The following PCDH15 variants were observed in gnomAD, a reference collection of about 807,000 sequenced individuals.
The protein encoded by PCDH15 is protocadherin related 15, also known as protocadherin-15.
PCDH15 carries 129 observed loss-of-function variants against 178.5 expected under a neutral mutation model. The ratio of observed to expected loss-of-function variants is 0.72; its 90% CI spans 0.63 to 0.84. The LOEUF (loss-of-function observed/expected upper bound fraction) is 0.84. Ranked by LOEUF, PCDH15 falls within the 40% of genes least tolerant of loss-of-function variation. The pLI is 0.00. For missense variants in PCDH15, 2,230 were observed against 2,099.9 expected, an observed-to-expected ratio of 1.06 and a Z score of -1.21; for synonymous variants, 800 against 732.0, an observed-to-expected ratio of 1.09 and a Z score of -1.50.
At chr10:54,018,587 C>T (rs1229537218) in intron 20 of PCDH15, among the ~76,000 whole-genome samples, 1 of 152,040 alleles carries the variant, frequency 6.6e-6, no homozygotes, top group Non-Finnish European at 1.5e-5. Flanking sequence ...TGCATGATCT[C>T]CAGGATTAGA....
intron 10 of PCDH15, among the ~76,000 whole-genome samples, chr10:54,202,504 A>G (rs2050337047): frequency 2.6e-5 from 4 of 152,084 alleles, no homozygotes; most frequent in African/African-American, 9.7e-5. Flanking sequence ...AATAGAATGG[A>G]AGGCCTAATA....
At chr10:54,308,546 A>C (rs550452999) in intron 8 of PCDH15, among the ~76,000 whole-genome samples, 5 of 152,214 alleles carry the variant, frequency 3.3e-5, no homozygotes, top group South Asian at 2.1e-4. Context: ...GGTATATTAC[A>C]GTTGAATATA....
intron 2 of PCDH15, among the ~76,000 whole-genome samples, chr10:54,547,663 T>A (rs1482501177): frequency 6.6e-6 from 1 of 152,176 alleles, no homozygotes; most frequent in African/African-American, 2.4e-5. Flanking sequence ...TGGATCACAC[T>A]ATTTACCTGT....
rs143052651 is a variant in PCDH15, at chr10:54,009,840, C to T, written c.2751+10352G>A. On this transcript the variant is annotated intron_variant, in intron 20 of 37. Coordinates refer to ENST00000644397, the MANE Select transcript of PCDH15 (RefSeq NM_001384140.1). ...CCCCACCGGTGCCTCCAGGCTGACACGGAGAACCATGTGGAGTCTTGGCAG... is the reference window on the plus strand; with the variant it reads ...CCCCACCGGTGCCTCCAGGCTGACATGGAGAACCATGTGGAGTCTTGGCAG... Among the ~76,000 whole-genome samples, 4 of 152,290 alleles carry T rather than the reference C, an allele frequency of 2.6e-5. No homozygotes were observed. The East Asian group carries it at 5.8e-4, about 22-fold the overall frequency.
At chr10:54,778,581 T>C (rs1949952757) in intron 1 of PCDH15, among the ~76,000 whole-genome samples, 1 of 152,170 alleles carries the variant, frequency 6.6e-6, no homozygotes, top group Non-Finnish European at 1.5e-5. Flanking sequence ...GTGTTTTTAC[T>C]ATAATTTGGG....
chr10:54,719,154 G>T (rs368991979), intron 1 of PCDH15, among the ~76,000 whole-genome samples: 10 of 150,042 alleles, frequency 6.7e-5, no homozygotes, highest in African/African-American at 2.0e-4. Context: ...TTAAAAAAGG[G>T]TAGATATCAT....
At chr10:54,959,205 C>T (rs1403246250) in intron 2 of PCDH15, among the ~76,000 whole-genome samples, 1 of 151,648 alleles carries the variant, frequency 6.6e-6, no homozygotes, top group Non-Finnish European at 1.5e-5. Flanking sequence ...ACAAGATTTG[C>T]TGCCATTAGA....
intron 2 of PCDH15, among the ~76,000 whole-genome samples, chr10:55,505,944 A>G (rs79135184): frequency 0.046 from 6,975 of 151,448 alleles, 419 homozygotes; most frequent in East Asian, 0.29. Context: ...CAAGAAGAAA[A>G]GAGGCATTAA....
intron 2 of PCDH15, among the ~76,000 whole-genome samples, chr10:54,923,046 T>A (rs1476995575): frequency 1.1e-5 from 1 of 88,044 alleles, no homozygotes; most frequent in Non-Finnish European, 3.3e-5. Context: ...TTTCCATACA[T>A]CCTCTGAAAT....
At chr10:55,160,734 T>C (rs1839044348) in intron 2 of PCDH15, among the ~76,000 whole-genome samples, 1 of 152,082 alleles carries the variant, frequency 6.6e-6, no homozygotes, top group Non-Finnish European at 1.5e-5. Flanking sequence ...GACTATTTGC[T>C]ACCATCGCCA....
intron 3 of PCDH15, among the ~76,000 whole-genome samples, chr10:54,467,305 C>T (rs2077583881): frequency 6.6e-6 from 1 of 151,444 alleles, no homozygotes; most frequent in African/African-American, 2.4e-5. Context: ...TCACATATGG[C>T]CTTTGTTATG....
At chr10:54,788,337 T>C (rs1428709895) in intron 1 of PCDH15, among the ~76,000 whole-genome samples, 1 of 151,858 alleles carries the variant, frequency 6.6e-6, no homozygotes, top group African/African-American at 2.4e-5. Context: ...TTTTACACCT[T>C]ATGAATCTGA....
chr10:55,582,628 ATTT>A (rs1554800566), intron 2 of PCDH15, among the ~76,000 whole-genome samples: 3 of 69,032 alleles, frequency 4.3e-5, no homozygotes, highest in African/African-American at 2.0e-4. Context: ...ATATATATAT[ATTT>A]TTTTTTTTTT....
At chr10:54,626,105 G>C (rs957985491) in intron 2 of PCDH15, among the ~76,000 whole-genome samples, 4 of 152,062 alleles carry the variant, frequency 2.6e-5, no homozygotes, top group African/African-American at 9.7e-5. Flanking sequence ...GGGATATGTG[G>C]CAAAATAAAT....
At chr10:53,913,279 C>A (rs1290685840) in intron 25 of PCDH15, among the ~76,000 whole-genome samples, 1 of 152,032 alleles carries the variant, frequency 6.6e-6, no homozygotes, top group Non-Finnish European at 1.5e-5. Context: ...ATATCTTATA[C>A]AAAAATTAAT....
At chr10:54,295,661 G>C (rs1233697606) in intron 8 of PCDH15, among the ~76,000 whole-genome samples, 1 of 152,186 alleles carries the variant, frequency 6.6e-6, no homozygotes, top group Non-Finnish European at 1.5e-5. Context: ...TCACTGTGAA[G>C]CTCCGCGCTT....
rs568328159 is a variant in PCDH15 at position 55,285,345 on chromosome 10, A to C, written c.-156+34254T>G. 5.4e-4 allele frequency among the ~76,000 whole-genome samples: 82 copies of C among 151,522 alleles called. 1 individual carries two copies. Among genetic ancestry groups the C allele is most frequent in the African/African-American group, 1.9e-3 (80 of 41,464 alleles). On this transcript the variant is annotated intron_variant, in intron 1 of 5. Coordinates refer to the PCDH15 transcript ENST00000458638. ...ACATAAAATCAACTAATTTTTTAAT[A>C]TATATTTAAGAAGTACTTTTATACA...
chr10:54,771,928 T>C (rs539267741), intron 1 of PCDH15, among the ~76,000 whole-genome samples: 1 of 152,254 alleles, frequency 6.6e-6, no homozygotes, highest in Non-Finnish European at 1.5e-5. Context: ...ATCTACCTTA[T>C]TGTACCACAT....
chr10:55,279,732 T>C (rs1842680523), intron 1 of PCDH15, among the ~76,000 whole-genome samples: 1 of 152,196 alleles, frequency 6.6e-6, no homozygotes, highest in South Asian at 2.1e-4. Context: ...ATATCATTTT[T>C]CCCTGGATTG....
Sources: allele counts gnomAD v4.1 joint callset (sites outside exome capture counted in the v4.1 genomes callset), GRCh38; gene constraint gnomAD v4.1.1; transcripts MANE v1.5; gene names NCBI Gene and HGNC (gene_info 2026-07-23, HGNC 2026-07-21).